The following TFAP2E variants were observed in gnomAD, a reference collection of about 807,000 sequenced individuals.
TFAP2E encodes the protein transcription factor AP-2-epsilon.
TFAP2E carries 30 observed loss-of-function variants against 37.9 expected under a neutral mutation model. The observed-to-expected ratio is 0.79, with a 90% CI of 0.59 to 1.07. The LOEUF (loss-of-function observed/expected upper bound fraction) is 1.07, where lower values mean the gene tolerates loss of function less well. TFAP2E is among the 50% of genes least tolerant of loss of function. The pLI is 0.00. For missense variants in TFAP2E, 567 were observed against 637.9 expected, an observed-to-expected ratio of 0.89 and a Z score of 1.20; for synonymous variants, 318 against 295.8, an observed-to-expected ratio of 1.08 and a Z score of -0.77.
chr1:35,581,854 G>A (rs1170886183), intron 3 of TFAP2E, among the ~76,000 whole-genome samples: 1 of 151,854 alleles, frequency 6.6e-6, no homozygotes, highest in Non-Finnish European at 1.5e-5. Context: ...TTACAGGTAT[G>A]AGCCACCATG....
chr1:35,586,365 A>T (rs1427128530), intron 3 of TFAP2E, among the ~76,000 whole-genome samples: 1 of 152,194 alleles, frequency 6.6e-6, no homozygotes, highest in Non-Finnish European at 1.5e-5. Flanking sequence ...TTGACAGGTG[A>T]CATCATTTTG....
chr1:35,574,428 G>C lies in TFAP2E; in HGVS notation c.510+19G>C. ...CCTGCAGGTGAGACCCGAGGGATCC[G>C]GGATGGGTCGGGACTGGCCGCGGTG... On this transcript the variant is annotated intron_variant, in intron 2 of 6. Coordinates refer to ENST00000373235, the MANE Select transcript of TFAP2E (RefSeq NM_178548.4). 1 of 1,391,562 alleles carries C rather than the reference G, an allele frequency of 7.2e-7. No homozygotes were observed. Among genetic ancestry groups the C allele is most frequent in the Non-Finnish European group, 9.3e-7 (1 of 1,079,778 alleles). The allele number at this position is 1,391,562 out of a possible 1,614,324, so 86.2% of individuals were successfully genotyped here. A position where few individuals can be genotyped will look rare whatever the true frequency, so the allele number is the denominator to read the frequency against.
rs182676918 is a variant in TFAP2E at position 35,587,219 on chromosome 1, G to T, written c.563-1111G>T. 3.3e-3 allele frequency among the ~76,000 whole-genome samples: 503 copies of T among 152,294 alleles called. 2 individuals carry two copies. The highest frequency in any genetic ancestry group is 4.6e-3 in the Non-Finnish European group (314 of 68,026). On this transcript the variant is annotated intron_variant, in intron 3 of 6. Transcript: ENST00000373235. ...TCCTTAAAGGAAGAAAAGGCCAAAGGGTTCCGCTAAAGAAGCAAGTGCTTC... is the reference window on the plus strand; with the variant it reads ...TCCTTAAAGGAAGAAAAGGCCAAAGTGTTCCGCTAAAGAAGCAAGTGCTTC...
intron 3 of TFAP2E, among the ~76,000 whole-genome samples, chr1:35,582,125 ACCTCAG>A (rs982734595): frequency 8.2e-5 from 12 of 146,582 alleles, no homozygotes; most frequent in African/African-American, 3.0e-4. Flanking sequence ...TGATCCATCC[ACCTCAG>A]CCTCCCAAAT....
chr1:35,573,899 C>A lies in TFAP2E; in HGVS notation c.28-28C>A. 7.0e-7 allele frequency: 1 copy of A among 1,438,716 alleles called. No homozygotes were observed. The highest frequency in any genetic ancestry group is 9.0e-7 in the Non-Finnish European group (1 of 1,108,066). 89.1% of individuals were successfully genotyped at this position (1,438,716 alleles called of 1,614,324 possible). On this transcript the variant is annotated intron_variant, in intron 1 of 6. Transcript: ENST00000373235. This position sits in a 1 kb window ranked among gnomAD's most constrained non-coding sequence, Gnocchi z 5.9. The stretch of plus-strand genomic sequence containing the variant: ...GGGGTCCTTTCAGCTGCCAGTGGGT[C>A]ACCTAAGGCACCCCTCTCCTTCCCC...
chr1:35,575,559 C>T (rs1005212567), intron 3 of TFAP2E, among the ~76,000 whole-genome samples: 1 of 152,142 alleles, frequency 6.6e-6, no homozygotes, highest in Non-Finnish European at 1.5e-5. Context: ...CAGGGCCCAC[C>T]TGCTCCTGGG....
chr1:35,581,869 G>A (rs1649361310), intron 3 of TFAP2E, among the ~76,000 whole-genome samples: 1 of 150,624 alleles, frequency 6.6e-6, no homozygotes, highest in Admixed American at 6.6e-5. Context: ...ACCATGCCTG[G>A]CCTTTTTTAT....
chr1:35,590,020 T>C lies in TFAP2E; in HGVS notation c.876T>C (p.Asn292=), dbSNP rs1157399435. 3 of 1,614,040 alleles carry C rather than the reference T, an allele frequency of 1.9e-6. No individual in the cohort carries two copies. Among genetic ancestry groups the C allele is most frequent in the Non-Finnish European group, 2.5e-6 (3 of 1,179,952 alleles). ...NLPAGRRKAA[N]VTLLTSLVEG... is the part of the protein sequence containing the mutation. ...CAGCTGGCCGTCGCAAGGCCGCCAA[T>C]GTGACGCTGCTGACTTCGCTAGTGG... The change falls in exon 5 of 7, where the codon AAT becomes AAC. Residue 292 remains asparagine (N), a synonymous_variant. Coordinates refer to ENST00000373235, the MANE Select transcript of TFAP2E (RefSeq NM_178548.4). This position sits in a 1 kb window ranked among gnomAD's most constrained non-coding sequence, Gnocchi z 6.2.
At position 35,590,492 on chromosome 1, in the gene TFAP2E, C is replaced by G. The variant is rs115522444; in HGVS notation, c.905-142C>G. 3,830 of 1,064,126 alleles carry G rather than the reference C, an allele frequency of 3.6e-3. 98 individuals are homozygous for G. In the African/African-American group the frequency reaches 0.05, roughly 14 times the overall value. 65.9% of individuals were successfully genotyped at this position (1,064,126 alleles called of 1,614,324 possible). ...TGGGGCAATGGAATGGGGGCTGGAG[C>G]TGGGCTGGGAAGGAACATCAGAGGG... is the stretch of plus-strand genomic sequence containing the variant. On this transcript the variant is annotated intron_variant, in intron 5 of 6. Coordinates refer to ENST00000373235, the MANE Select transcript of TFAP2E (RefSeq NM_178548.4). This position sits in a 1 kb window ranked among gnomAD's most constrained non-coding sequence, Gnocchi z 6.2.
At position 35,573,762 on chromosome 1, in the gene TFAP2E, C is replaced by T. The variant is rs1271924669; in HGVS notation, c.27+158C>T. ...ACGCGATGCGCAAGTGACCGCTGTC[C>T]CCAGCCTGAGGCTCCTGCGCCCGCG... On this transcript the variant is annotated intron_variant, in intron 1 of 6. Transcript: ENST00000373235. This position sits in a 1 kb window ranked among gnomAD's most constrained non-coding sequence, Gnocchi z 5.9. The T allele has an allele frequency of 1.4e-5, 20 of 1,382,314 alleles. No individual in the cohort carries two copies. Among genetic ancestry groups the T allele is most frequent in the Non-Finnish European group, 1.9e-5 (20 of 1,055,872 alleles). 85.6% of individuals were successfully genotyped at this position (1,382,314 alleles called of 1,614,324 possible). A position where few individuals can be genotyped will look rare whatever the true frequency, so the allele number is the denominator to read the frequency against.
In TFAP2E at chr1:35,590,006, C is replaced by T. The variant is rs760764125; in HGVS notation, c.862C>T (p.Arg288Cys). Residue 288 changes from arginine to cysteine, a missense_variant, in exon 5 of 7, where the codon CGC becomes TGC. Transcript: ENST00000373235. This position sits in a 1 kb window ranked among gnomAD's most constrained non-coding sequence, Gnocchi z 6.2. ...TGGGCTCAACCTGCCAGCTGGCCGT[C>T]GCAAGGCCGCCAATGTGACGCTGCT... ...KIGLNLPAGR[R>C]KAANVTLLTS... 6 of 1,614,070 alleles carry T rather than the reference C, an allele frequency of 3.7e-6. No individual in the cohort carries two copies. The highest frequency in any genetic ancestry group is 2.2e-5 in the South Asian group (2 of 91,056).
rs1356348229 is a variant in TFAP2E at position 35,594,408 on chromosome 1, A to C, written c.1061A>C (p.Glu354Ala). Residue 354 changes from glutamate (E) to alanine (A), a missense_variant, in exon 7 of 7, where the codon GAG (glutamate) becomes GCG (alanine). Physicochemically the swap from Glu to Ala is moderately radical, Grantham distance 107. Transcript: ENST00000373235. Reference sequence around the variant, plus strand: ...TCTCGCACCAGGCAGATCTGCAAGGAGTTTGCAGACTTGATGGCTCAGGAC... The same window carrying C: ...TCTCGCACCAGGCAGATCTGCAAGGCGTTTGCAGACTTGATGGCTCAGGAC... Reference protein sequence around the residue: ...MLLAAKQICKEFADLMAQDRS... With the variant: ...MLLAAKQICKAFADLMAQDRS... 1 of 1,613,282 alleles carries C rather than the reference A, an allele frequency of 6.2e-7. No individual in the cohort carries two copies. Among genetic ancestry groups the C allele is most frequent in the African/African-American group, 1.3e-5 (1 of 74,870 alleles).
chr1:35,575,606 T>C (rs1264835469), intron 3 of TFAP2E, among the ~76,000 whole-genome samples: 1 of 152,232 alleles, frequency 6.6e-6, no homozygotes, highest in African/African-American at 2.4e-5. Context: ...CCTGTGCATG[T>C]CTGAAATGTT....
rs1381699992 is a variant in TFAP2E, at chr1:35,588,006, A to G, written c.563-324A>G. Reference sequence around the variant, plus strand: ...TGGCCTGACCCTGCTGCAGGGCCCCAGGGGTCCTGCCTCCAGCTCACACTC... The same window carrying G: ...TGGCCTGACCCTGCTGCAGGGCCCCGGGGGTCCTGCCTCCAGCTCACACTC... On this transcript the variant is annotated intron_variant, in intron 3 of 6. Transcript: ENST00000373235. This position sits in a 1 kb window ranked among gnomAD's most constrained non-coding sequence, Gnocchi z 5.1. Among the ~76,000 whole-genome samples the G allele has an allele frequency of 6.6e-6, 1 of 152,082 alleles. No homozygotes were observed. Among genetic ancestry groups the G allele is most frequent in the Non-Finnish European group, 1.5e-5 (1 of 67,978 alleles).
At chr1:35,585,777 G>C (rs1034997479) in intron 3 of TFAP2E, among the ~76,000 whole-genome samples, 6 of 152,140 alleles carry the variant, frequency 3.9e-5, no homozygotes, top group African/African-American at 1.2e-4. Flanking sequence ...AGGCCTGGTG[G>C]CTCACCCCTT....
At position 35,573,450 on chromosome 1, in the gene TFAP2E, G is replaced by T; in HGVS notation, c.-128G>T. 1 of 1,271,130 alleles carries T rather than the reference G, an allele frequency of 7.9e-7. No homozygotes were observed. The allele number at this position is 1,271,130 out of a possible 1,614,324, so 78.7% of individuals were successfully genotyped here. A position where few individuals can be genotyped will look rare whatever the true frequency, so the allele number is the denominator to read the frequency against. On this transcript the variant is annotated 5_prime_UTR_variant, in exon 1 of 7. Transcript: ENST00000373235. This position sits in a 1 kb window ranked among gnomAD's most constrained non-coding sequence, Gnocchi z 5.9. Reference sequence around the variant, plus strand: ...CCCACGCCCACTAGGATCCCGGCTGGGTCGCACCCAGCTACCGCACCGTGA... The same window carrying T: ...CCCACGCCCACTAGGATCCCGGCTGTGTCGCACCCAGCTACCGCACCGTGA...
Position 35,590,186 on chromosome 1 carries a change from TTC to T in TFAP2E, c.904+142_904+143del, listed in dbSNP as rs1649617787. On this transcript the variant is annotated intron_variant, in intron 5 of 6. Coordinates refer to ENST00000373235, the MANE Select transcript of TFAP2E (RefSeq NM_178548.4). The surrounding 1 kb of genome is among the most constrained non-coding windows in gnomAD (Gnocchi z 6.2). ...AAGTGTTGCAGTATCTGTGTGCGTATTCTCTGTCATGTATAAGGTGTGTTTGT... is the reference window on the plus strand; with the variant it reads ...AAGTGTTGCAGTATCTGTGTGCGTATTCTGTCATGTATAAGGTGTGTTTGT... 1.1e-5 allele frequency: 9 copies of T among 791,704 alleles called. No individual in the cohort carries two copies. The highest frequency in any genetic ancestry group is 8.1e-5 in the South Asian group (5 of 62,016). 49.0% of individuals were successfully genotyped at this position (791,704 alleles called of 1,614,324 possible).
chr1:35,575,735 A>G (rs985969189), intron 3 of TFAP2E, among the ~76,000 whole-genome samples: 25 of 152,160 alleles, frequency 1.6e-4, no homozygotes, highest in Non-Finnish European at 2.6e-4. Context: ...GGATGTACAC[A>G]TTTCTCAATA....
chr1:35,574,840 C>G, intron 2 of TFAP2E, 109 bp from the exon 3 acceptor site: 1 of 1,480,554 alleles, frequency 6.8e-7, no homozygotes, highest in Non-Finnish European at 9.4e-7. Context: ...CCAAGCGAAG[C>G]TGGTGCGCCT....
Sources: gnomAD v4.1 joint callset for allele counts (sites outside exome capture counted in the v4.1 genomes callset) on GRCh38, gnomAD v4.1.1 for gene constraint, Gnocchi (gnomAD v3.1) non-coding constraint, MANE v1.5 for transcripts, NCBI Gene and HGNC (gene_info 2026-07-23, HGNC 2026-07-21) for gene names.